The following PDS5B variants were observed in gnomAD, a reference collection of about 807,000 sequenced individuals.
PDS5B encodes the protein sister chromatid cohesion protein PDS5 homolog B.
PDS5B carries 51 observed loss-of-function variants against 184.1 expected under a neutral mutation model. The observed-to-expected ratio is 0.28, with a 90% confidence interval of 0.22 to 0.35. The LOEUF is 0.35. Among genes scored for constraint, PDS5B ranks in the 10% least tolerant of loss-of-function variants. PDS5B has a pLI of 1.00. For missense variants in PDS5B, 1,180 were observed against 1,723.3 expected (o/e 0.68, Z 5.58); for synonymous variants, 566 against 569.2 (o/e 0.99, Z 0.08).
Position 32,776,939 on chromosome 13 carries a change from A to G in PDS5B, c.*1887A>G, listed in dbSNP as rs545794135. The G allele has an allele frequency of 1.3e-5, 2 of 152,602 alleles. No homozygotes were observed. The highest frequency in any genetic ancestry group is 2.4e-5 in the African/African-American group (1 of 41,570). The allele number at this position is 152,602 out of a possible 1,614,324, so 9.5% of individuals were successfully genotyped here. On this transcript the variant is annotated 3_prime_UTR_variant, in exon 35 of 35. Coordinates refer to ENST00000315596, the MANE Select transcript of PDS5B (RefSeq NM_015032.4). ...AATTATGAGAGGCTGTCATATATCA[A>G]AGCAGCTCAGGTGGGATCAACATAC...
intron 1 of PDS5B, among the ~76,000 whole-genome samples, chr13:32,620,241 T>A (rs1370593918): frequency 6.6e-6 from 1 of 152,264 alleles, no homozygotes; most frequent in Non-Finnish European, 1.5e-5. Flanking sequence ...ACTAATGTTT[T>A]GAGTTTCTGT....
At chr13:32,607,927 G>A (rs1390692861) in intron 1 of PDS5B, among the ~76,000 whole-genome samples, 2 of 152,196 alleles carry the variant, frequency 1.3e-5, no homozygotes, top group Non-Finnish European at 2.9e-5. Context: ...GTAGCAGGGT[G>A]GGAGCGTCCT....
At chr13:32,695,522 C>T (rs969526482) in intron 14 of PDS5B, among the ~76,000 whole-genome samples, 8 of 151,856 alleles carry the variant, frequency 5.3e-5, no homozygotes, top group Non-Finnish European at 1.5e-5. Flanking sequence ...ATATTTACCT[C>T]CTTCTGGCCA....
At chr13:32,643,444 C>T (rs2140633096) in intron 1 of PDS5B, among the ~76,000 whole-genome samples, 1 of 152,196 alleles carries the variant, frequency 6.6e-6, no homozygotes, top group African/African-American at 2.4e-5. Flanking sequence ...TTTTAAAAAA[C>T]TTAGATATGA....
At chr13:32,680,922 T>C (rs530502867) in intron 10 of PDS5B, among the ~76,000 whole-genome samples, 20 of 152,230 alleles carry the variant, frequency 1.3e-4, no homozygotes, top group Non-Finnish European at 2.1e-4. Flanking sequence ...TTTTTGCTGT[T>C]GATAATGTGT....
chr13:32,690,944 C>T (rs1409271186), intron 13 of PDS5B: 1 of 152,052 alleles, frequency 6.6e-6, no homozygotes, highest in African/African-American at 2.4e-5. Flanking sequence ...AACTATTATA[C>T]TTACCAGTAT....
At chr13:32,587,462 A>T (rs1247595403) in intron 1 of PDS5B, among the ~76,000 whole-genome samples, 3 of 152,234 alleles carry the variant, frequency 2.0e-5, no homozygotes, top group African/African-American at 7.2e-5. Flanking sequence ...ATGTTACTTT[A>T]AAAGTTTTCG....
chr13:32,607,652 C>T (rs879871621), intron 1 of PDS5B, among the ~76,000 whole-genome samples: 1 of 152,022 alleles, frequency 6.6e-6, no homozygotes, highest in Non-Finnish European at 1.5e-5. Flanking sequence ...TGCCCTGCCC[C>T]CAGAGTTGGA....
intron 19 of PDS5B, among the ~76,000 whole-genome samples, chr13:32,721,210 C>T (rs1032633531): frequency 1.1e-4 from 16 of 151,724 alleles, no homozygotes; most frequent in Admixed American, 2.0e-4. Flanking sequence ...ACTTCCCAGA[C>T]GTGGCAGCCG....
chr13:32,611,098 G>A (rs2058134744), intron 1 of PDS5B, among the ~76,000 whole-genome samples: 1 of 151,776 alleles, frequency 6.6e-6, no homozygotes. Flanking sequence ...GGGCATTTCA[G>A]TTTGGAGAAA....
chr13:32,679,912 TG>T lies in PDS5B; in HGVS notation c.1057+984del, dbSNP rs1566319062. Among the ~76,000 whole-genome samples, 580 of 148,900 alleles carry T rather than the reference TG, an allele frequency of 3.9e-3. 4 individuals are homozygous for T. Among genetic ancestry groups the T allele is most frequent in the African/African-American group, 0.015 (562 of 38,598 alleles). On this transcript the variant is annotated intron_variant, in intron 10 of 34. Transcript: ENST00000315596. Reference sequence around the variant, plus strand: ...GTGTGTGTGTGTGTGTGTGTGTGTGTGTGTCTGTTTCTACACCTCCCCTTTC... The same window carrying T: ...GTGTGTGTGTGTGTGTGTGTGTGTGTTGTCTGTTTCTACACCTCCCCTTTC...
At position 32,681,244 on chromosome 13, in the gene PDS5B, G is replaced by T. The variant is rs190038753; in HGVS notation, c.1057+2315G>T. ...TTTCTTTCTCCCCTAGCTGAAATATGATGGCAGGTTTCAGAGGTTTTCACT... is the reference window on the plus strand; with the variant it reads ...TTTCTTTCTCCCCTAGCTGAAATATTATGGCAGGTTTCAGAGGTTTTCACT... On this transcript the variant is annotated intron_variant, in intron 10 of 34. Coordinates refer to ENST00000315596, the MANE Select transcript of PDS5B (RefSeq NM_015032.4). Among the ~76,000 whole-genome samples, 492 of 152,206 alleles carry T rather than the reference G, an allele frequency of 3.2e-3. 2 individuals carry two copies. The highest frequency in any genetic ancestry group is 3.8e-3 in the Non-Finnish European group (258 of 68,018).
chr13:32,694,655 C>CT (rs1479390517), intron 14 of PDS5B, among the ~76,000 whole-genome samples: 1 of 151,752 alleles, frequency 6.6e-6, no homozygotes, highest in Admixed American at 6.6e-5. Flanking sequence ...ATGTTCCCTA[C>CT]TTTTTTGTAT....
intron 11 of PDS5B, among the ~76,000 whole-genome samples, chr13:32,685,692 C>G (rs1226335665): frequency 6.6e-6 from 1 of 152,182 alleles, no homozygotes; most frequent in African/African-American, 2.4e-5. Context: ...GTCACCCAGG[C>G]TGGAGTGCAG....
Position 32,770,535 on chromosome 13 carries a change from C to G in PDS5B, c.4039C>G (p.Arg1347Gly). ...ACAGAAGTCCAAAAGCAAACAGCAC[C>G]GAGTGTCAAGGAGAGCACAGCAGAG... Reference protein sequence around the residue: ...TEQKSKSKQHRVSRRAQQRAE... With the variant: ...TEQKSKSKQHGVSRRAQQRAE... Residue 1347 changes from arginine (R) to glycine (G), a missense_variant, in exon 32 of 35, where the codon CGA becomes GGA. Physicochemically the swap from Arg to Gly is moderately radical, Grantham distance 125 (BLOSUM62 -2). Coordinates refer to ENST00000315596, the MANE Select transcript of PDS5B (RefSeq NM_015032.4). 6.2e-7 allele frequency: 1 copy of G among 1,609,086 alleles called. No homozygotes were observed. Among genetic ancestry groups the G allele is most frequent in the Non-Finnish European group, 8.5e-7 (1 of 1,178,842 alleles).
chr13:32,695,710 T>C (rs1440027375), intron 14 of PDS5B, among the ~76,000 whole-genome samples: 1 of 152,186 alleles, frequency 6.6e-6, no homozygotes, highest in East Asian at 1.9e-4. Flanking sequence ...TTGTTTTTGA[T>C]TCTCACTGTT....
chr13:32,739,010 A>C (rs1032210080), intron 21 of PDS5B, among the ~76,000 whole-genome samples: 2 of 152,116 alleles, frequency 1.3e-5, no homozygotes, highest in Non-Finnish European at 2.9e-5. Flanking sequence ...AGCTGTATTT[A>C]TCATTATTCT....
intron 3 of PDS5B, among the ~76,000 whole-genome samples, chr13:32,654,070 A>C (rs879942768): frequency 1.3e-5 from 2 of 152,198 alleles, no homozygotes; most frequent in African/African-American, 2.4e-5. Context: ...TCCCTAGCTG[A>C]AAAATGTTAA....
chr13:32,652,135 T>A, intron 3 of PDS5B, 128 bp downstream of exon 3: 2 of 638,466 alleles, frequency 3.1e-6, no homozygotes, highest in Non-Finnish European at 5.3e-6. Flanking sequence ...AATCTTTTGC[T>A]AAACTTAATG....
Sources: allele counts gnomAD v4.1 joint callset (sites outside exome capture counted in the v4.1 genomes callset), GRCh38; gene constraint gnomAD v4.1.1; transcripts MANE v1.5; gene names NCBI Gene and HGNC (gene_info 2026-07-23, HGNC 2026-07-21).